FKTN: variants seen among roughly 807,000 people sequenced by gnomAD.
FKTN encodes the protein fukutin.
FKTN carries 47 observed loss-of-function variants against 58.6 expected under a neutral mutation model. The ratio of observed to expected loss-of-function variants is 0.80; its 90% CI spans 0.63 to 1.02. The LOEUF (loss-of-function observed/expected upper bound fraction) is 1.02, where lower values mean the gene tolerates loss of function less well. Among genes scored for constraint, FKTN ranks in the 50% least tolerant of loss-of-function variants. The probability of loss-of-function intolerance (pLI) is 0.00; values close to 1 mark genes in which losing one functional copy is unlikely to be tolerated. For synonymous variants in FKTN, 178 were observed against 191.9 expected (o/e 0.93, Z 0.60); for missense variants, 516 against 537.3 (o/e 0.96, Z 0.39).
intron 3 of FKTN, among the ~76,000 whole-genome samples, chr9:105,584,166 A>G (rs1405718442): frequency 6.6e-6 from 1 of 152,172 alleles, no homozygotes; most frequent in Non-Finnish European, 1.5e-5. Context: ...CACCTCATAG[A>G]CTTGTGAAGC....
rs1211252536 is a variant in FKTN, at chr9:105,637,330, A to G, written c.*2066A>G. 1.0e-6 allele frequency: 1 copy of G among 985,162 alleles called. No homozygotes were observed. The highest frequency in any genetic ancestry group is 1.7e-5 in the African/African-American group (1 of 57,206). 61.0% of individuals were successfully genotyped at this position (985,162 alleles called of 1,614,324 possible). On this transcript the variant is annotated 3_prime_UTR_variant, in exon 11 of 11. Coordinates refer to ENST00000357998, the MANE Select transcript of FKTN (RefSeq NM_001079802.2). ...GTACAAAGTCTTAAGAGTGTCTGAA[A>G]TCCAAGACATCTTGGCCCAATTGAC...
chr9:105,612,421 T>C (rs1344000158), intron 7 of FKTN, among the ~76,000 whole-genome samples: 1 of 152,158 alleles, frequency 6.6e-6, no homozygotes, highest in Non-Finnish European at 1.5e-5. Flanking sequence ...TTTTTGCTTT[T>C]GTTGCAATTT....
chr9:105,612,244 A>C (rs912527718), intron 7 of FKTN, among the ~76,000 whole-genome samples: 9 of 151,712 alleles, frequency 5.9e-5, no homozygotes, highest in Non-Finnish European at 1.2e-4. Context: ...TTCCTTGAAA[A>C]TTTGTTTAAG....
chr9:105,639,247 T>C lies in FKTN; in HGVS notation c.*3983T>C. 3.0e-6 allele frequency: 3 copies of C among 985,394 alleles called. No homozygotes were observed. Among genetic ancestry groups the C allele is most frequent in the Non-Finnish European group, 3.6e-6 (3 of 829,918 alleles). 61.0% of individuals were successfully genotyped at this position (985,394 alleles called of 1,614,324 possible). A position where few individuals can be genotyped will look rare whatever the true frequency, so the allele number is the denominator to read the frequency against. ...AAAAATCCCAGCAACGTTCCCTCTTTCCTCCTTGTCTTCCACTATCATTAA... is the reference window on the plus strand; with the variant it reads ...AAAAATCCCAGCAACGTTCCCTCTTCCCTCCTTGTCTTCCACTATCATTAA... On this transcript the variant is annotated 3_prime_UTR_variant, in exon 11 of 11. Transcript: ENST00000357998.
intron 1 of FKTN, among the ~76,000 whole-genome samples, chr9:105,559,499 A>T (rs540122117): frequency 6.6e-6 from 1 of 152,276 alleles, no homozygotes; most frequent in African/African-American, 2.4e-5. Flanking sequence ...CCTGGCCAAC[A>T]TGGTGAAACC....
chr9:105,607,906 T>C lies in FKTN; in HGVS notation c.735T>C (p.Ser245=), dbSNP rs1455487670. Residue 245 remains serine (S), a synonymous_variant, in exon 7 of 11, where the codon TCT becomes TCC. Coordinates refer to ENST00000357998, the MANE Select transcript of FKTN (RefSeq NM_001079802.2). ...ACTTTGTAGAAGAAGTACCACACTC[T>C]AGGTTTATTGAGTGTAGGTATAAAG... ...PMHFVEEVPH[S]RFIECRYKEA... is the part of the protein sequence containing the mutation. The C allele has an allele frequency of 1.2e-6, 2 of 1,606,668 alleles. No homozygotes were observed. The highest frequency in any genetic ancestry group is 1.7e-6 in the Non-Finnish European group (2 of 1,173,420).
At chr9:105,594,589 C>G (rs1826406353) in intron 3 of FKTN, among the ~76,000 whole-genome samples, 1 of 152,104 alleles carries the variant, frequency 6.6e-6, no homozygotes, top group Non-Finnish European at 1.5e-5. Flanking sequence ...ATGAAAAATA[C>G]AAAAATTAGC....
intron 4 of FKTN, 31 bp downstream of exon 4, chr9:105,596,688 T>C: frequency 1.4e-6 from 2 of 1,415,730 alleles, no homozygotes; most frequent in Non-Finnish European, 1.0e-6. Context: ...ATTTCTCAAT[T>C]ATAATGTTCA....
Position 105,612,946 on chromosome 9 carries a change from C to G in FKTN, c.781-2332C>G, listed in dbSNP as rs943995874. On this transcript the variant is annotated intron_variant, in intron 7 of 10. Transcript: ENST00000357998. ...TGCCCCTAAATTCCAGCCTGGGCAACAGAGAGAGGAGACTTTGTCTCCAAA... is the reference window on the plus strand; with the variant it reads ...TGCCCCTAAATTCCAGCCTGGGCAAGAGAGAGAGGAGACTTTGTCTCCAAA... 4.0e-5 allele frequency among the ~76,000 whole-genome samples: 6 copies of G among 151,064 alleles called. No individual in the cohort carries two copies. In the South Asian group the frequency reaches 6.3e-4, roughly 16 times the overall value.
At chr9:105,604,894 T>A (rs1763905011) in intron 6 of FKTN, among the ~76,000 whole-genome samples, 1 of 151,132 alleles carries the variant, frequency 6.6e-6, no homozygotes. Context: ...AGGTGGAGGT[T>A]GTAGTGAGCC....
chr9:105,578,855 A>G (rs2132121212), intron 3 of FKTN, among the ~76,000 whole-genome samples: 1 of 151,986 alleles, frequency 6.6e-6, no homozygotes, highest in East Asian at 1.9e-4. Flanking sequence ...AGAGCCTGTT[A>G]TTGGTCTATT....
In FKTN at chr9:105,574,870, G is replaced by C. The variant is rs1841386886; in HGVS notation, c.-88-75G>C. 6.5e-6 allele frequency: 4 copies of C among 619,508 alleles called. No homozygotes were observed. The Admixed American group carries it at 8.2e-5, about 13-fold the overall frequency. The allele number at this position is 619,508 out of a possible 1,614,324, so 38.4% of individuals were successfully genotyped here. ...CCTGTGGAAATTTAATTTTTTCTTT[G>C]TTCTATTGTTGGTTATTACAGGTAC... On this transcript the variant is annotated intron_variant, in intron 2 of 10. Coordinates refer to ENST00000357998, the MANE Select transcript of FKTN (RefSeq NM_001079802.2).
intron 10 of FKTN, among the ~76,000 whole-genome samples, chr9:105,634,835 T>A (rs894618881): frequency 5.3e-5 from 8 of 152,150 alleles, no homozygotes; most frequent in Non-Finnish European, 2.9e-5. Flanking sequence ...AGTGATGGGG[T>A]CAGCCTCTCC....
intron 8 of FKTN, among the ~76,000 whole-genome samples, chr9:105,616,794 T>G (rs1156636904): frequency 6.6e-6 from 1 of 151,850 alleles, no homozygotes; most frequent in South Asian, 2.1e-4. Context: ...AGGCATAAAC[T>G]GGGATATACG....
At chr9:105,589,765 A>T (rs977413367) in intron 3 of FKTN, among the ~76,000 whole-genome samples, 1 of 152,204 alleles carries the variant, frequency 6.6e-6, no homozygotes, top group Admixed American at 6.5e-5. Flanking sequence ...TAGAAGACAC[A>T]GCCTGTTCAA....
At chr9:105,573,599 G>T (rs1159229527) in intron 1 of FKTN, 56 bp from the exon 2 acceptor site, 1 of 151,688 alleles carries the variant, frequency 6.6e-6, no homozygotes, top group East Asian at 1.9e-4. Flanking sequence ...TTATACTTCA[G>T]CCTGGACGAC....
Position 105,636,212 on chromosome 9 carries a change from AT to A in FKTN, c.*954del, listed in dbSNP as rs1314682920. 3.4e-6 allele frequency: 3 copies of A among 873,430 alleles called. No individual in the cohort carries two copies. Among genetic ancestry groups the A allele is most frequent in the South Asian group, 5.3e-5 (1 of 19,000 alleles). 54.1% of individuals were successfully genotyped at this position (873,430 alleles called of 1,614,324 possible). A position where few individuals can be genotyped will look rare whatever the true frequency, so the allele number is the denominator to read the frequency against. ...TTAATGACACTAAAATATTAATAGA[AT>A]TTTTTAAATATACTCTAATTTTTAA... On this transcript the variant is annotated 3_prime_UTR_variant, in exon 11 of 11. Coordinates refer to ENST00000357998, the MANE Select transcript of FKTN (RefSeq NM_001079802.2).
intron 3 of FKTN, among the ~76,000 whole-genome samples, chr9:105,582,000 A>C (rs1045276909): frequency 6.6e-6 from 1 of 152,122 alleles, no homozygotes; most frequent in African/African-American, 2.4e-5. Context: ...TTCCCAGGTG[A>C]GGCAATGCCT....
chr9:105,570,506 G>A (rs186767300), intron 1 of FKTN, among the ~76,000 whole-genome samples: 5 of 152,262 alleles, frequency 3.3e-5, no homozygotes, highest in African/African-American at 1.2e-4. Context: ...CTTAATTGAT[G>A]TGGGGGTGGT....
Sources: allele counts gnomAD v4.1 joint callset (sites outside exome capture counted in the v4.1 genomes callset), GRCh38; gene constraint gnomAD v4.1.1; transcripts MANE v1.5; gene names NCBI Gene and HGNC (gene_info 2026-07-23, HGNC 2026-07-21).